Variants in ZKSCAN3 observed in about 807,000 individuals in gnomAD.
ZKSCAN3 encodes zinc finger protein with KRAB and SCAN domains 3.
ZKSCAN3 carries 21 observed loss-of-function variants against 30.7 expected under a neutral mutation model. That is an observed-to-expected ratio of 0.68 (90% CI 0.49 to 0.99). ZKSCAN3 has a LOEUF of 0.99. Ranked by LOEUF, ZKSCAN3 falls within the 50% of genes least tolerant of loss-of-function variation. The probability of loss-of-function intolerance (pLI) is 0.00; values close to 1 mark genes in which losing one functional copy is unlikely to be tolerated. For synonymous variants in ZKSCAN3, 201 were observed against 246.7 expected (o/e 0.81, Z 1.73); for missense variants, 507 against 647.1 (o/e 0.78, Z 2.35).
chr6:28,363,528 C>T (rs993394549), intron 4 of ZKSCAN3, 143 bp downstream of exon 4: 1 of 1,285,348 alleles, frequency 7.8e-7, no homozygotes, highest in South Asian at 1.4e-5. Context: ...TCTCATCTAT[C>T]TCGAGGTTGT....
intron 5 of ZKSCAN3, among the ~76,000 whole-genome samples, chr6:28,365,204 C>G (rs1765910636): frequency 6.6e-6 from 1 of 151,884 alleles, no homozygotes; most frequent in Admixed American, 6.5e-5. Context: ...TACCCACTCC[C>G]TCCACTCCCA....
At chr6:28,354,072 C>T (rs1364328212) in intron 1 of ZKSCAN3, 3 of 406,552 alleles carry the variant, frequency 7.4e-6, no homozygotes, top group South Asian at 1.8e-5. Flanking sequence ...CTCTGTGGCT[C>T]CTGCCGCTCC....
chr6:28,366,149 G>GTGTGAAAGAAGTTT lies in ZKSCAN3; in HGVS notation c.1481_1482insTGTGAAAGAAGTTT (p.Leu495ValfsTer42), dbSNP rs1765956585. The GTGTGAAAGAAGTTT allele has an allele frequency of 6.2e-7, 1 of 1,611,526 alleles. No individual in the cohort carries two copies. The highest frequency in any genetic ancestry group is 1.1e-5 in the South Asian group (1 of 90,832). On this transcript the variant is annotated frameshift_variant, in exon 6 of 6. Coordinates refer to ENST00000252211, the MANE Select transcript of ZKSCAN3 (RefSeq NM_024493.4). LOFTEE classifies it high-confidence loss of function. The stretch of plus-strand genomic sequence containing the variant: ...GAAAGAAGTTTCACTCAGAATACAG[G>GTGTGAAAGAAGTTT]CCTCATTGAACATCAAAAAATCCAC...
In ZKSCAN3 at chr6:28,366,231, A is replaced by G; in HGVS notation, c.1563A>G (p.Ser521=). The change falls in exon 6 of 6, where the codon TCA becomes TCG. Residue 521 remains serine (S), a synonymous_variant. Transcript: ENST00000252211. The stretch of plus-strand genomic sequence containing the variant: ...GTGGAAAAGGCTTCACCCGAATTTC[A>G]TACCTTGTTCAACATCAGAGAAGCC... ...NACGKGFTRI[S]YLVQHQRSHV... 2.6e-6 allele frequency: 4 copies of G among 1,563,522 alleles called. No individual in the cohort carries two copies. Among genetic ancestry groups the G allele is most frequent in the South Asian group, 1.2e-5 (1 of 81,398 alleles).
At chr6:28,352,316 A>ATT (rs138730255) in intron 1 of ZKSCAN3, among the ~76,000 whole-genome samples, 2 of 151,404 alleles carry the variant, frequency 1.3e-5, no homozygotes, top group East Asian at 1.9e-4. Context: ...GATTTAATTG[A>ATT]TTTTTTTTTC....
chr6:28,359,397 A>T, intron 1 of ZKSCAN3, 128 bp from the exon 2 acceptor site: 1 of 686,752 alleles, frequency 1.5e-6, no homozygotes, highest in Non-Finnish European at 2.4e-6. Context: ...GTAGAGGATT[A>T]AGCTGCAGAA....
chr6:28,358,713 A>T (rs213232), intron 1 of ZKSCAN3, among the ~76,000 whole-genome samples: 1 of 151,434 alleles, frequency 6.6e-6, no homozygotes, highest in Non-Finnish European at 1.5e-5. Flanking sequence ...GTGAAACCCC[A>T]GCTCTACTAA....
chr6:28,352,274 T>C (rs1765085945), intron 1 of ZKSCAN3, among the ~76,000 whole-genome samples: 1 of 152,196 alleles, frequency 6.6e-6, no homozygotes, highest in Admixed American at 6.5e-5. Flanking sequence ...TTAAAAGTTA[T>C]TGATGTATTA....
At position 28,361,397 on chromosome 6, in the gene ZKSCAN3, A is replaced by G. The variant is rs1765765703; in HGVS notation, c.476A>G (p.Gln159Arg). The G allele has an allele frequency of 6.2e-7, 1 of 1,613,986 alleles. No homozygotes were observed. Among genetic ancestry groups the G allele is most frequent in the African/African-American group, 1.3e-5 (1 of 74,934 alleles). Residue 159 changes from glutamine to arginine, a missense_variant, in exon 3 of 6, where the codon CAA becomes CGA. Transcript: ENST00000252211. ...CTATTGACACCAGCCCCAGGGTCAC[A>G]AAGTAGCCAATTTCAGCTAATGAAG... ...MALLTPAPGSQSSQFQLMKAL... is the reference protein window; with the variant it reads ...MALLTPAPGSRSSQFQLMKAL...
At position 28,368,007 on chromosome 6, in the gene ZKSCAN3, G is replaced by A. The variant is rs1300187962; in HGVS notation, c.*1722G>A. 2.0e-5 allele frequency: 3 copies of A among 151,654 alleles called. No homozygotes were observed. The highest frequency in any genetic ancestry group is 7.3e-5 in the African/African-American group (3 of 41,270). 9.4% of individuals were successfully genotyped at this position (151,654 alleles called of 1,614,324 possible). ...ACCCATTAACTCGTCATTTACATTG[G>A]GTGTATCTCCTAATGCTTTCCCTCC... is the stretch of plus-strand genomic sequence containing the variant. On this transcript the variant is annotated 3_prime_UTR_variant, in exon 6 of 6. Transcript: ENST00000252211.
chr6:28,357,657 G>C (rs995672667), intron 1 of ZKSCAN3, among the ~76,000 whole-genome samples: 2 of 152,190 alleles, frequency 1.3e-5, no homozygotes, highest in Non-Finnish European at 2.9e-5. Flanking sequence ...TTAGTGGGAG[G>C]TGAGGACTAG....
chr6:28,362,118 T>C (rs1380099166), intron 3 of ZKSCAN3, among the ~76,000 whole-genome samples: 1 of 152,222 alleles, frequency 6.6e-6, no homozygotes, highest in African/African-American at 2.4e-5. Context: ...CTACTTGTCT[T>C]TGTTCTTCTT....
In ZKSCAN3 at chr6:28,364,723, G is replaced by A. The variant is rs752296654; in HGVS notation, c.758-703G>A. Among the ~76,000 whole-genome samples, 59 of 151,958 alleles carry A rather than the reference G, an allele frequency of 3.9e-4. 3 individuals carry two copies. The highest frequency in any genetic ancestry group is 2.9e-5 in the Non-Finnish European group (2 of 67,974). Reference sequence around the variant, plus strand: ...TCTGAGTCTCCACTTTCGCTGTTTCGTTTATTTATTTCTTTTGTTTTTGAG... The same window carrying A: ...TCTGAGTCTCCACTTTCGCTGTTTCATTTATTTATTTCTTTTGTTTTTGAG... On this transcript the variant is annotated intron_variant, in intron 5 of 5. Coordinates refer to ENST00000252211, the MANE Select transcript of ZKSCAN3 (RefSeq NM_024493.4).
At chr6:28,354,640 A>G in intron 1 of ZKSCAN3, among the ~76,000 whole-genome samples, 1 of 152,236 alleles carries the variant, frequency 6.6e-6, no homozygotes, top group African/African-American at 2.4e-5. Flanking sequence ...CAATAATTTC[A>G]GGTTATAGTG....
intron 3 of ZKSCAN3, among the ~76,000 whole-genome samples, chr6:28,362,427 C>T (rs890470264): frequency 6.6e-6 from 1 of 152,288 alleles, no homozygotes; most frequent in Middle Eastern, 3.4e-3. Context: ...TAGGAAATGG[C>T]TGTATGTGTT....
In ZKSCAN3 at chr6:28,353,777, A is replaced by G. The variant is rs370307093; in HGVS notation, c.-63+3710A>G. On this transcript the variant is annotated intron_variant, in intron 1 of 5. Transcript: ENST00000252211. ...TGTGGATAGAGAAAAGAAAAGGTCA[A>G]GAACAGAACCACCAGGCCTACTCTT... is the stretch of plus-strand genomic sequence containing the variant. 41 of 455,062 alleles carry G rather than the reference A, an allele frequency of 9.0e-5. 1 individual carries two copies. Among genetic ancestry groups the G allele is most frequent in the East Asian group, 7.7e-4 (11 of 14,372 alleles). 28.2% of individuals were successfully genotyped at this position (455,062 alleles called of 1,614,324 possible).
At position 28,367,173 on chromosome 6, in the gene ZKSCAN3, A is replaced by G. The variant is rs1352880073; in HGVS notation, c.*888A>G. ...CCTCATGATCCTCCTGCCTCAGCCT[A>G]CCAAAGTGCTGGGATTACAGGCATG... On this transcript the variant is annotated 3_prime_UTR_variant, in exon 6 of 6. Transcript: ENST00000252211. The G allele has an allele frequency of 6.6e-6, 1 of 151,510 alleles. No individual in the cohort carries two copies. The highest frequency in any genetic ancestry group is 1.5e-5 in the Non-Finnish European group (1 of 67,886). 9.4% of individuals were successfully genotyped at this position (151,510 alleles called of 1,614,324 possible).
intron 2 of ZKSCAN3, 115 bp downstream of exon 2, chr6:28,360,103 C>A: frequency 1.3e-6 from 2 of 1,566,330 alleles, no homozygotes; most frequent in Non-Finnish European, 8.7e-7. Flanking sequence ...TTTTTTGTAC[C>A]GTGAACCTCC....
At chr6:28,360,581 C>T (rs1007669635) in intron 2 of ZKSCAN3, 1 of 984,896 alleles carries the variant, frequency 1.0e-6, no homozygotes, top group Non-Finnish European at 1.2e-6. Flanking sequence ...CTTTTACCTC[C>T]ATGTTCTTCC....
Sources: allele counts gnomAD v4.1 joint callset (sites outside exome capture counted in the v4.1 genomes callset), GRCh38; gene constraint gnomAD v4.1.1; transcripts MANE v1.5; gene names NCBI Gene and HGNC (gene_info 2026-07-23, HGNC 2026-07-21).